PLEKHA8: variants seen among roughly 807,000 people sequenced by gnomAD.
The protein encoded by PLEKHA8 is pleckstrin homology domain containing A8.
In PLEKHA8, 36 loss-of-function variants were observed where a neutral mutation model predicts 68.2. The ratio of observed to expected loss-of-function variants is 0.53; its 90% confidence interval spans 0.40 to 0.70. PLEKHA8 has a LOEUF of 0.70. PLEKHA8 is among the 30% of genes least tolerant of loss of function. The pLI is 0.00. For missense variants in PLEKHA8, 505 were observed against 615.4 expected, an observed-to-expected ratio of 0.82 and a Z score of 1.90; for synonymous variants, 211 against 216.1, an observed-to-expected ratio of 0.98 and a Z score of 0.20.
At chr7:30,123,929 A>G (rs1336801001) in intron 13 of PLEKHA8, among the ~76,000 whole-genome samples, 1 of 152,238 alleles carries the variant, frequency 6.6e-6, no homozygotes, top group Non-Finnish European at 1.5e-5. Context: ...ATAATACCAA[A>G]ACATTGATGG....
intron 13 of PLEKHA8, among the ~76,000 whole-genome samples, chr7:30,105,733 CAA>C (rs1266010259): frequency 1.3e-5 from 2 of 152,176 alleles, no homozygotes; most frequent in Admixed American, 6.5e-5. Context: ...ACCGGCCACT[CAA>C]GAGTTTTCCT....
chr7:30,067,700 A>G (rs1450721866), intron 12 of PLEKHA8, among the ~76,000 whole-genome samples: 2 of 152,316 alleles, frequency 1.3e-5, no homozygotes, highest in South Asian at 2.1e-4. Context: ...GCATTGGACT[A>G]CATGTTTTAA....
intron 13 of PLEKHA8, among the ~76,000 whole-genome samples, chr7:30,117,041 C>G (rs1339679571): frequency 6.6e-6 from 1 of 152,210 alleles, no homozygotes; most frequent in Non-Finnish European, 1.5e-5. Flanking sequence ...GCCTTTCCGT[C>G]TGCCTTCCAG....
At chr7:30,093,149 G>A (rs1016262402), downstream of PLEKHA8, among the ~76,000 whole-genome samples, 3 of 152,156 alleles carry the variant, frequency 2.0e-5, no homozygotes, top group African/African-American at 7.2e-5. Context: ...CTAAACTGGG[G>A]CCAACTGGGG....
chr7:30,101,406 T>C (rs1365304776), intron 13 of PLEKHA8, among the ~76,000 whole-genome samples: 1 of 146,080 alleles, frequency 6.8e-6, no homozygotes, highest in Admixed American at 6.8e-5. Context: ...GAGATCGTGG[T>C]GCCAGCATGG....
At chr7:30,090,766 T>C (rs1052614007), downstream of PLEKHA8, 9 of 560,364 alleles carry the variant, frequency 1.6e-5, no homozygotes, top group African/African-American at 2.0e-5. Flanking sequence ...TCAGTTCACT[T>C]TAGTTTCTTG....
At chr7:30,048,498 T>C (rs950151537) in intron 4 of PLEKHA8, among the ~76,000 whole-genome samples, 3 of 152,226 alleles carry the variant, frequency 2.0e-5, no homozygotes, top group Non-Finnish European at 4.4e-5. Context: ...TTTCTCTTCA[T>C]TGTCAGCAAG....
intron 13 of PLEKHA8, chr7:30,129,157 TGA>T: frequency 6.7e-7 from 1 of 1,488,640 alleles, no homozygotes; most frequent in Non-Finnish European, 9.3e-7. Context: ...GAAAAACTAC[TGA>T]TACAAAGGAA....
chr7:30,117,030 C>T lies in PLEKHA8; in HGVS notation c.1363-12236C>T, dbSNP rs115557582. Reference sequence around the variant, plus strand: ...GCAAATGTAGGTCTAACTTTGTCACCGCCTTTCCGTCTGCCTTCCAGCATC... The same window carrying T: ...GCAAATGTAGGTCTAACTTTGTCACTGCCTTTCCGTCTGCCTTCCAGCATC... On this transcript the variant is annotated intron_variant, in intron 13 of 13. Coordinates refer to the PLEKHA8 transcript ENST00000396257. Among the ~76,000 whole-genome samples, 847 of 152,302 alleles carry T rather than the reference C, an allele frequency of 5.6e-3. 8 individuals are homozygous for T. Among genetic ancestry groups the T allele is most frequent in the Middle Eastern group, 0.014 (4 of 294 alleles).
intron 1 of PLEKHA8, among the ~76,000 whole-genome samples, chr7:30,030,942 C>T (rs1342017777): frequency 6.6e-6 from 1 of 152,180 alleles, no homozygotes; most frequent in Non-Finnish European, 1.5e-5. Flanking sequence ...CTTTAAAATA[C>T]ATACAATCCC....
chr7:30,120,115 T>C (rs1796671057), intron 13 of PLEKHA8, among the ~76,000 whole-genome samples: 1 of 147,018 alleles, frequency 6.8e-6, no homozygotes, highest in South Asian at 2.1e-4. Flanking sequence ...CACAATGAGA[T>C]ACCTCTTCAT....
At chr7:30,064,759 G>C (rs1439990764) in intron 12 of PLEKHA8, among the ~76,000 whole-genome samples, 1 of 152,180 alleles carries the variant, frequency 6.6e-6, no homozygotes, top group African/African-American at 2.4e-5. Context: ...TAACTTATTA[G>C]TATGGAATTT....
At chr7:30,094,361 A>G (rs1414021805), downstream of PLEKHA8, among the ~76,000 whole-genome samples, 1 of 147,886 alleles carries the variant, frequency 6.8e-6, no homozygotes, top group African/African-American at 2.5e-5. Flanking sequence ...TGCAACCTCC[A>G]CCTCTTGGGT....
At chr7:30,118,108 G>C in intron 13 of PLEKHA8, 1 of 1,247,948 alleles carries the variant, frequency 8.0e-7, no homozygotes, top group Non-Finnish European at 1.1e-6. Flanking sequence ...CAGGGGATCA[G>C]CCTGGACTAA....
chr7:30,082,093 C>CT lies in PLEKHA8; in HGVS notation c.*3307dup, dbSNP rs1302169045. 1.0e-6 allele frequency: 1 copy of CT among 985,138 alleles called. No individual in the cohort carries two copies. The highest frequency in any genetic ancestry group is 1.7e-5 in the African/African-American group (1 of 57,198). 61.0% of individuals were successfully genotyped at this position (985,138 alleles called of 1,614,324 possible). ...GAGGAGCTCTCACAGAATGTTGAGC[C>CT]TGTGGGCCCAAGACATTGACTTCGA... On this transcript the variant is annotated 3_prime_UTR_variant, in exon 14 of 14. Coordinates refer to ENST00000449726, the MANE Select transcript of PLEKHA8 (RefSeq NM_001197026.2).
intron 6 of PLEKHA8, among the ~76,000 whole-genome samples, chr7:30,052,246 C>T (rs1341879704): frequency 6.6e-6 from 1 of 152,156 alleles, no homozygotes; most frequent in Non-Finnish European, 1.5e-5. Flanking sequence ...CTGGACTGCT[C>T]CCATCACAGG....
intron 13 of PLEKHA8, among the ~76,000 whole-genome samples, chr7:30,120,873 A>G (rs911481068): frequency 1.3e-5 from 2 of 152,258 alleles, no homozygotes; most frequent in Admixed American, 6.5e-5. Context: ...GTAACTGATC[A>G]TCCAAACTGT....
chr7:30,115,445 T>A (rs1245592804), intron 13 of PLEKHA8, among the ~76,000 whole-genome samples: 1 of 152,068 alleles, frequency 6.6e-6, no homozygotes, highest in Non-Finnish European at 1.5e-5. Flanking sequence ...CATATATACA[T>A]GTATATATGT....
At chr7:30,118,764 A>C (rs2128023870) in intron 13 of PLEKHA8, among the ~76,000 whole-genome samples, 1 of 152,236 alleles carries the variant, frequency 6.6e-6, no homozygotes, top group Admixed American at 6.5e-5. Context: ...TTTTTAGTAG[A>C]GACGGGGTTT....
Sources: allele counts gnomAD v4.1 joint callset (sites outside exome capture counted in the v4.1 genomes callset), GRCh38; gene constraint gnomAD v4.1.1; transcripts MANE v1.5; gene names NCBI Gene and HGNC (gene_info 2026-07-23, HGNC 2026-07-21).